The following ARL13B variants were observed in gnomAD, a reference collection of about 807,000 sequenced individuals.
The protein encoded by ARL13B is ADP-ribosylation factor-like protein 13B.
Under a neutral mutation model 56.1 loss-of-function variants are expected in ARL13B, and 36 were observed. That is an observed-to-expected ratio of 0.64 (90% confidence interval 0.49 to 0.85). The LOEUF is 0.85. Among genes scored for constraint, ARL13B ranks in the 40% least tolerant of loss-of-function variants. The pLI is 0.00. For synonymous variants in ARL13B, 178 were observed against 171.1 expected (o/e 1.04, Z -0.32); for missense variants, 519 against 507.1 (o/e 1.02, Z -0.23).
At chr3:94,034,353 G>A (rs1318300452) in intron 3 of ARL13B, among the ~76,000 whole-genome samples, 1 of 151,954 alleles carries the variant, frequency 6.6e-6, no homozygotes, top group Non-Finnish European at 1.5e-5. Flanking sequence ...AACCTAAAGA[G>A]TCTGTCAAAC....
In ARL13B at chr3:94,035,301, C is replaced by T. The variant is rs766024108; in HGVS notation, c.381-30C>T. 346 of 1,315,488 alleles carry T rather than the reference C, an allele frequency of 2.6e-4. 1 individual carries two copies. Among genetic ancestry groups the T allele is most frequent in the Non-Finnish European group, 3.5e-4 (317 of 917,060 alleles). The allele number at this position is 1,315,488 out of a possible 1,614,324, so 81.5% of individuals were successfully genotyped here. A position where few individuals can be genotyped will look rare whatever the true frequency, so the allele number is the denominator to read the frequency against. Reference sequence around the variant, plus strand: ...AAGTTTCCATCCAATTATATATATGCTGTATAAAAGTACTTTAATTATCTT... The same window carrying T: ...AAGTTTCCATCCAATTATATATATGTTGTATAAAAGTACTTTAATTATCTT... On this transcript the variant is annotated intron_variant, in intron 3 of 9. Coordinates refer to ENST00000394222, the MANE Select transcript of ARL13B (RefSeq NM_001174150.2).
At chr3:93,990,233 C>T (rs1436324101) in intron 1 of ARL13B, among the ~76,000 whole-genome samples, 1 of 152,028 alleles carries the variant, frequency 6.6e-6, no homozygotes, top group African/African-American at 2.4e-5. Flanking sequence ...GTCTCAAATT[C>T]CTGACCTCAA....
At chr3:93,992,559 T>C (rs2075894561) in intron 1 of ARL13B, among the ~76,000 whole-genome samples, 2 of 152,210 alleles carry the variant, frequency 1.3e-5, no homozygotes, top group Non-Finnish European at 2.9e-5. Context: ...TGTTTGCTAC[T>C]ATGTAATGGG....
At chr3:93,995,107 A>G (rs1168154125) in intron 1 of ARL13B, among the ~76,000 whole-genome samples, 5 of 152,188 alleles carry the variant, frequency 3.3e-5, no homozygotes, top group Non-Finnish European at 5.9e-5. Flanking sequence ...TAGAAAAGAA[A>G]TGACTATATA....
intron 1 of ARL13B, among the ~76,000 whole-genome samples, chr3:93,981,932 T>C (rs1180875375): frequency 2.0e-5 from 3 of 151,868 alleles, no homozygotes; most frequent in Non-Finnish European, 1.5e-5. Flanking sequence ...GATTCTGATT[T>C]ATTTGCTTTA....
rs183997407 is a variant in ARL13B, at chr3:94,013,638, T to C, written c.380+9730T>C. On this transcript the variant is annotated intron_variant, in intron 3 of 9. Transcript: ENST00000394222. ...TCTGTTGACATTGAGTTAAGTTACC[T>C]TCTGAGGATAAAAGATTTGATAAAG... 2.0e-3 allele frequency among the ~76,000 whole-genome samples: 310 copies of C among 152,324 alleles called. 7 individuals carry two copies. The highest frequency in any genetic ancestry group is 0.018 in the Admixed American group (282 of 15,290).
chr3:93,988,551 A>G (rs1710579463), intron 1 of ARL13B: 1 of 317,270 alleles, frequency 3.2e-6, no homozygotes, highest in Admixed American at 4.0e-5. Context: ...AAAGACTTGC[A>G]CTTACAAAGC....
intron 3 of ARL13B, among the ~76,000 whole-genome samples, chr3:94,017,457 C>G (rs1423255606): frequency 6.6e-6 from 1 of 152,182 alleles, no homozygotes; most frequent in Non-Finnish European, 1.5e-5. Context: ...TGACTCCAGG[C>G]AGGCATGTTA....
chr3:94,028,691 AG>A (rs1484808202), intron 3 of ARL13B: 2 of 152,250 alleles, frequency 1.3e-5, no homozygotes, highest in African/African-American at 4.8e-5. Context: ...AGTCGGTAAC[AG>A]GAAGTCCTCG....
intron 3 of ARL13B, among the ~76,000 whole-genome samples, chr3:94,008,872 C>T (rs1403016468): frequency 6.6e-6 from 1 of 152,122 alleles, no homozygotes; most frequent in Non-Finnish European, 1.5e-5. Flanking sequence ...TGTGGAGTTA[C>T]ATGAACTACC....
chr3:94,036,517 T>G, intron 4 of ARL13B, 35 bp from the exon 5 acceptor site: 1 of 1,602,550 alleles, frequency 6.2e-7, no homozygotes, highest in Non-Finnish European at 8.5e-7. Context: ...TGTGGAGACC[T>G]TTTAATCTTT....
intron 6 of ARL13B, among the ~76,000 whole-genome samples, chr3:94,041,188 A>G (rs2107142851): frequency 6.6e-6 from 1 of 152,004 alleles, no homozygotes; most frequent in East Asian, 1.9e-4. Context: ...ATTACTGCAG[A>G]TAATTAAAAT....
chr3:94,000,631 G>T (rs189654975), intron 2 of ARL13B, among the ~76,000 whole-genome samples: 2 of 151,912 alleles, frequency 1.3e-5, no homozygotes, highest in African/African-American at 4.8e-5. Context: ...GTGTGTGTGT[G>T]TGTGTGTATA....
intron 3 of ARL13B, among the ~76,000 whole-genome samples, chr3:94,016,497 T>C (rs1034023248): frequency 6.6e-6 from 1 of 152,158 alleles, no homozygotes; most frequent in African/African-American, 2.4e-5. Flanking sequence ...TGGAACTTTA[T>C]ACTAAAAATA....
intron 1 of ARL13B, among the ~76,000 whole-genome samples, chr3:93,992,481 A>G (rs971382660): frequency 1.3e-5 from 2 of 152,122 alleles, no homozygotes; most frequent in African/African-American, 4.8e-5. Flanking sequence ...TGTTACTGTA[A>G]TTACCTCTCC....
At chr3:94,036,410 T>C (rs1009356225) in intron 4 of ARL13B, 142 bp from the exon 5 acceptor site, 7 of 798,252 alleles carry the variant, frequency 8.8e-6, no homozygotes, top group South Asian at 1.6e-5. Context: ...AGTGCTATGT[T>C]TTGGAAGTTA....
intron 6 of ARL13B, among the ~76,000 whole-genome samples, chr3:94,041,920 C>T (rs1172237499): frequency 3.9e-5 from 6 of 151,948 alleles, no homozygotes; most frequent in Admixed American, 6.6e-5. Flanking sequence ...ATTAGCCAGG[C>T]GTGGCACGAA....
chr3:93,983,947 G>C lies in ARL13B; in HGVS notation c.59+3465G>C, dbSNP rs139429531. On this transcript the variant is annotated intron_variant, in intron 1 of 9. Coordinates refer to ENST00000394222, the MANE Select transcript of ARL13B (RefSeq NM_001174150.2). Reference sequence around the variant, plus strand: ...CTTCCAAAAAACTTAATTACTAATAGCCTCCTGTTGACTAGAAGCCTTACT... The same window carrying C: ...CTTCCAAAAAACTTAATTACTAATACCCTCCTGTTGACTAGAAGCCTTACT... 1.4e-3 allele frequency among the ~76,000 whole-genome samples: 207 copies of C among 152,250 alleles called. 1 individual carries two copies. Among genetic ancestry groups the C allele is most frequent in the Middle Eastern group, 6.8e-3 (2 of 294 alleles).
chr3:93,981,379 T>C (rs908078830), intron 1 of ARL13B, among the ~76,000 whole-genome samples: 1 of 152,072 alleles, frequency 6.6e-6, no homozygotes, highest in Admixed American at 6.5e-5. Context: ...TTTTTTTTTT[T>C]AAATTGTTAA....
Sources: allele counts gnomAD v4.1 joint callset (sites outside exome capture counted in the v4.1 genomes callset), GRCh38; gene constraint gnomAD v4.1.1; transcripts MANE v1.5; gene names NCBI Gene and HGNC (gene_info 2026-07-23, HGNC 2026-07-21).